RGS6: variants seen among roughly 807,000 people sequenced by gnomAD.
RGS6 encodes the protein regulator of G protein signaling 6, also known as regulator of G-protein signaling 6.
In RGS6, 30 loss-of-function variants were observed where a neutral mutation model predicts 78.5. The ratio of observed to expected loss-of-function variants is 0.38; its 90% CI spans 0.29 to 0.52. The LOEUF (loss-of-function observed/expected upper bound fraction) is 0.52, where lower values mean the gene tolerates loss of function less well. RGS6 is among the 20% of genes least tolerant of loss of function. The probability of loss-of-function intolerance (pLI) is 0.85; values close to 1 mark genes in which losing one functional copy is unlikely to be tolerated. For missense variants in RGS6, 495 were observed against 609.7 expected, an observed-to-expected ratio of 0.81 and a Z score of 1.98; for synonymous variants, 206 against 206.0, an observed-to-expected ratio of 1.00 and a Z score of 0.00.
At chr14:71,926,278 T>C in the RGS6 span, among the ~76,000 whole-genome samples, 2 of 152,230 alleles carry the variant, frequency 1.3e-5, no homozygotes, top group Non-Finnish European at 2.9e-5. Context: ...TTCATTTCTA[T>C]GTTCTTTAGA....
intron 2 of RGS6, among the ~76,000 whole-genome samples, chr14:72,210,854 A>G (rs993392513): frequency 1.3e-5 from 2 of 151,962 alleles, no homozygotes; most frequent in African/African-American, 2.4e-5. Context: ...TCATATAAAG[A>G]GACAGCTTCC....
At chr14:72,306,270 A>G (rs2152434227) in intron 2 of RGS6, among the ~76,000 whole-genome samples, 1 of 152,350 alleles carries the variant, frequency 6.6e-6, no homozygotes, top group South Asian at 2.1e-4. Context: ...ATTGATGCTC[A>G]CTGACAATGC....
At chr14:71,882,021 T>G in the RGS6 span, among the ~76,000 whole-genome samples, 1 of 152,234 alleles carries the variant, frequency 6.6e-6, no homozygotes, top group Non-Finnish European at 1.5e-5. Context: ...ACATCTACAT[T>G]GTTCCACAAC....
chr14:72,306,271 C>T (rs997347438), intron 2 of RGS6, among the ~76,000 whole-genome samples: 1 of 152,202 alleles, frequency 6.6e-6, no homozygotes, highest in Non-Finnish European at 1.5e-5. Flanking sequence ...TTGATGCTCA[C>T]TGACAATGCA....
intron 2 of RGS6, among the ~76,000 whole-genome samples, chr14:72,237,716 C>T (rs1482580759): frequency 2.0e-5 from 3 of 152,144 alleles, no homozygotes; most frequent in Non-Finnish European, 4.4e-5. Flanking sequence ...TTGACTGCCA[C>T]CATGCTCAAA....
chr14:72,070,844 T>A (rs2094383188), intron 2 of RGS6, among the ~76,000 whole-genome samples: 1 of 152,196 alleles, frequency 6.6e-6, no homozygotes, highest in African/African-American at 2.4e-5. Flanking sequence ...TTCGCAGGGA[T>A]TGTATGTATG....
At chr14:72,243,633 C>G (rs1432724136) in intron 2 of RGS6, among the ~76,000 whole-genome samples, 1 of 152,166 alleles carries the variant, frequency 6.6e-6, no homozygotes, top group Non-Finnish European at 1.5e-5. Flanking sequence ...TAAACTCTTT[C>G]CTTTTTGTTT....
chr14:72,605,394 C>A, the RGS6 span, among the ~76,000 whole-genome samples: 1 of 152,360 alleles, frequency 6.6e-6, no homozygotes, highest in Non-Finnish European at 1.5e-5. Flanking sequence ...TGGATCTCAG[C>A]TTGCTTCCCC....
chr14:72,565,788 T>A lies in RGS6; in HGVS notation c.*3321T>A, dbSNP rs987575124. 3 of 152,210 alleles carry A rather than the reference T, an allele frequency of 2.0e-5. No homozygotes were observed. Among genetic ancestry groups the A allele is most frequent in the African/African-American group, 7.2e-5 (3 of 41,442 alleles). 9.4% of individuals were successfully genotyped at this position (152,210 alleles called of 1,614,324 possible). On this transcript the variant is annotated 3_prime_UTR_variant, in exon 18 of 18. Coordinates refer to ENST00000553525, the MANE Select transcript of RGS6 (RefSeq NM_001204424.2). Reference sequence around the variant, plus strand: ...CCCCCTTGGTGATTGTGGAAGGTGATGTTTTTCCTAAAATGCATCCCTCCT... The same window carrying A: ...CCCCCTTGGTGATTGTGGAAGGTGAAGTTTTTCCTAAAATGCATCCCTCCT...
intron 2 of RGS6, among the ~76,000 whole-genome samples, chr14:72,269,583 T>C (rs200893901): frequency 0.058 from 8,421 of 145,892 alleles, 426 homozygotes; most frequent in East Asian, 0.29. Context: ...TTTTTTTTTT[T>C]TTTTTTTTTT....
At chr14:72,349,897 C>T (rs1302443790) in intron 2 of RGS6, among the ~76,000 whole-genome samples, 1 of 152,174 alleles carries the variant, frequency 6.6e-6, no homozygotes, top group Non-Finnish European at 1.5e-5. Flanking sequence ...TGGCCATTTT[C>T]ATAGAAACCA....
chr14:72,263,144 T>C (rs1453904726), intron 2 of RGS6, among the ~76,000 whole-genome samples: 1 of 152,202 alleles, frequency 6.6e-6, no homozygotes, highest in Non-Finnish European at 1.5e-5. Flanking sequence ...CAGATCAAAC[T>C]GTAAGGCATG....
chr14:72,548,967 A>G (rs1256028512), intron 17 of RGS6, among the ~76,000 whole-genome samples: 2 of 152,232 alleles, frequency 1.3e-5, no homozygotes, highest in East Asian at 1.9e-4. Context: ...ACCAGATCCC[A>G]TGATCTTTTG....
At chr14:72,195,743 G>GTTAGCT (rs2039952123) in intron 2 of RGS6, among the ~76,000 whole-genome samples, 1 of 152,222 alleles carries the variant, frequency 6.6e-6, no homozygotes, top group Admixed American at 6.5e-5. Flanking sequence ...TTAGCTATTT[G>GTTAGCT]ACGGTGGTGT....
chr14:72,413,952 G>A (rs1038329045), intron 3 of RGS6, among the ~76,000 whole-genome samples: 90 of 152,278 alleles, frequency 5.9e-4, no homozygotes, highest in African/African-American at 2.0e-3. Context: ...TTAGTCTGAT[G>A]GGCTTTCCTT....
At chr14:72,603,934 TCAGA>T in the RGS6 span, among the ~76,000 whole-genome samples, 1 of 152,074 alleles carries the variant, frequency 6.6e-6, no homozygotes, top group South Asian at 2.1e-4. Context: ...TAAAAAGGAA[TCAGA>T]CAGAAGTTTA....
upstream of RGS6, among the ~76,000 whole-genome samples, chr14:71,928,424 T>A (rs1051898850): frequency 1.3e-5 from 2 of 152,190 alleles, no homozygotes; most frequent in Non-Finnish European, 2.9e-5. Context: ...AAAAGTATCA[T>A]CAGCTGTCAA....
intron 2 of RGS6, among the ~76,000 whole-genome samples, chr14:72,329,783 A>G (rs1319876294): frequency 6.6e-6 from 1 of 152,122 alleles, no homozygotes; most frequent in African/African-American, 2.4e-5. Context: ...CACCTGGAGA[A>G]CAAAGAGGGA....
chr14:72,306,773 A>G (rs2067333883), intron 2 of RGS6, among the ~76,000 whole-genome samples: 1 of 152,246 alleles, frequency 6.6e-6, no homozygotes, highest in Non-Finnish European at 1.5e-5. Context: ...ATGGATGAGT[A>G]AAGAAAGTGG....
Sources: gnomAD v4.1 joint callset for allele counts (sites outside exome capture counted in the v4.1 genomes callset) on GRCh38, gnomAD v4.1.1 for gene constraint, MANE v1.5 for transcripts, NCBI Gene and HGNC (gene_info 2026-07-23, HGNC 2026-07-21) for gene names.